The following CPNE4 variants were observed in gnomAD, a reference collection of about 807,000 sequenced individuals.
CPNE4 encodes copine-4.
A neutral mutation model predicts 67.9 loss-of-function variants in CPNE4; 25 were observed. That is an observed-to-expected ratio of 0.37 (90% CI 0.27 to 0.51). The LOEUF is 0.51. Among genes scored for constraint, CPNE4 ranks in the 20% least tolerant of loss-of-function variants. The probability of loss-of-function intolerance (pLI) is 0.93; values close to 1 mark genes in which losing one functional copy is unlikely to be tolerated. For synonymous variants in CPNE4, 242 were observed against 244.9 expected, an observed-to-expected ratio of 0.99 and a Z score of 0.11; for missense variants, 464 against 690.8, an observed-to-expected ratio of 0.67 and a Z score of 3.68.
At chr3:131,929,986 G>GCTATTA (rs1203475794) in intron 1 of CPNE4, among the ~76,000 whole-genome samples, 12 of 152,156 alleles carry the variant, frequency 7.9e-5, no homozygotes, top group African/African-American at 2.9e-4. Context: ...GTCTGCAAGT[G>GCTATTA]CTATTACAAA....
intron 5 of CPNE4, among the ~76,000 whole-genome samples, chr3:131,693,606 G>A (rs1372803934): frequency 6.6e-6 from 1 of 152,094 alleles, no homozygotes; most frequent in Admixed American, 6.6e-5. Context: ...TTACATGTGT[G>A]AGAGAATGAG....
At position 131,711,920 on chromosome 3, in the gene CPNE4, T is replaced by C. The variant is rs77845952; in HGVS notation, c.360+11526A>G. ...TCTCTTCTGTAATCAAAAATAATAT[T>C]TCAAAAGATCAGAATCAAATTAGCC... On this transcript the variant is annotated intron_variant, in intron 3 of 15. Coordinates refer to ENST00000429747, the MANE Select transcript of CPNE4 (RefSeq NM_130808.3). 3.1e-4 allele frequency among the ~76,000 whole-genome samples: 47 copies of C among 152,256 alleles called. No homozygotes were observed. The East Asian group carries it at 8.5e-3, about 27-fold the overall frequency.
intron 2 of CPNE4, among the ~76,000 whole-genome samples, chr3:131,827,819 A>G (rs968494930): frequency 2.0e-5 from 3 of 152,088 alleles, no homozygotes; most frequent in African/African-American, 7.3e-5. Flanking sequence ...GGGGCAAGAC[A>G]TAAATATAGA....
intron 2 of CPNE4, among the ~76,000 whole-genome samples, chr3:131,853,152 A>G (rs952392721): frequency 2.0e-5 from 3 of 151,856 alleles, no homozygotes; most frequent in African/African-American, 7.2e-5. Flanking sequence ...TGGAGAGCTC[A>G]GATTATGTGA....
intron 1 of CPNE4, among the ~76,000 whole-genome samples, chr3:131,957,269 A>G (rs2072006065): frequency 6.6e-6 from 1 of 152,250 alleles, no homozygotes; most frequent in South Asian, 2.1e-4. Context: ...CTCCATGCCC[A>G]TCAGCCTGAT....
intron 2 of CPNE4, among the ~76,000 whole-genome samples, chr3:131,764,278 A>G (rs1391872821): frequency 1.4e-4 from 4 of 29,586 alleles, no homozygotes; most frequent in Non-Finnish European, 2.5e-4. Flanking sequence ...GTTTTATAGG[A>G]AAAAAAAAAG....
chr3:131,715,756 T>C (rs1038979724), intron 3 of CPNE4, among the ~76,000 whole-genome samples: 1 of 152,226 alleles, frequency 6.6e-6, no homozygotes, highest in Non-Finnish European at 1.5e-5. Flanking sequence ...GATGAATGAA[T>C]GAGTTAATAA....
intron 1 of CPNE4, among the ~76,000 whole-genome samples, chr3:132,014,927 CTTAAAA>C (rs1236396286): frequency 6.6e-6 from 1 of 152,078 alleles, no homozygotes; most frequent in African/African-American, 2.4e-5. Context: ...TCTCTGTATT[CTTAAAA>C]TTAATTTTAT....
chr3:131,952,405 G>A (rs567753959), intron 1 of CPNE4, among the ~76,000 whole-genome samples: 3,143 of 148,634 alleles, frequency 0.021, 114 homozygotes, highest in African/African-American at 0.072. Context: ...CTCTCCGCCC[G>A]GCAGCCACCC....
At chr3:131,756,761 CA>C (rs954602627) in intron 2 of CPNE4, among the ~76,000 whole-genome samples, 7 of 152,160 alleles carry the variant, frequency 4.6e-5, no homozygotes. Context: ...GCTTTGGCTG[CA>C]CCTCGCCCAA....
At chr3:131,669,184 C>A (rs527694729) in intron 7 of CPNE4, among the ~76,000 whole-genome samples, 2 of 152,154 alleles carry the variant, frequency 1.3e-5, no homozygotes, top group African/African-American at 4.8e-5. Context: ...AGAAGCAGAA[C>A]CACCCTCCTC....
chr3:131,728,769 T>G (rs1267740964), intron 2 of CPNE4, among the ~76,000 whole-genome samples: 2 of 150,646 alleles, frequency 1.3e-5, no homozygotes, highest in African/African-American at 4.9e-5. Flanking sequence ...AATTAGCCGG[T>G]CGTGGTGGCA....
At chr3:131,567,760 G>A (rs370797708) in intron 10 of CPNE4, among the ~76,000 whole-genome samples, 4 of 152,028 alleles carry the variant, frequency 2.6e-5, no homozygotes, top group East Asian at 3.9e-4. Context: ...TTGGATGTCA[G>A]TTAGGGAAAG....
At chr3:132,038,199 T>C (rs1157141005), upstream of CPNE4, among the ~76,000 whole-genome samples, 1 of 152,170 alleles carries the variant, frequency 6.6e-6, no homozygotes, top group East Asian at 1.9e-4. Flanking sequence ...TTTCTGTATA[T>C]GCCTGAGGTG....
intron 2 of CPNE4, among the ~76,000 whole-genome samples, chr3:131,899,888 A>G (rs745723220): frequency 1.1e-4 from 17 of 152,082 alleles, no homozygotes; most frequent in Non-Finnish European, 2.4e-4. Flanking sequence ...TATCCCAAGC[A>G]TGAGAGAAAC....
chr3:131,735,311 G>A (rs1443483398), intron 2 of CPNE4, among the ~76,000 whole-genome samples: 2 of 152,204 alleles, frequency 1.3e-5, no homozygotes, highest in Admixed American at 6.5e-5. Context: ...ACATAGCAGA[G>A]CATTATCATC....
intron 2 of CPNE4, among the ~76,000 whole-genome samples, chr3:131,888,238 T>C (rs1012861448): frequency 1.1e-4 from 16 of 152,200 alleles, no homozygotes; most frequent in Admixed American, 6.5e-4. Flanking sequence ...AAATCTTCAA[T>C]TGAGGTAGGC....
At chr3:131,939,669 C>T (rs1322830416) in intron 1 of CPNE4, among the ~76,000 whole-genome samples, 8 of 152,140 alleles carry the variant, frequency 5.3e-5, no homozygotes, top group African/African-American at 1.7e-4. Context: ...TTAAGTTGTA[C>T]ATAAACTGGC....
intron 3 of CPNE4, among the ~76,000 whole-genome samples, chr3:131,717,918 C>A (rs1560173475): frequency 1.5e-5 from 2 of 134,274 alleles, no homozygotes; most frequent in South Asian, 2.4e-4. Flanking sequence ...TTCTTTCTTT[C>A]TTTCTTTCTT....
Sources: gnomAD v4.1 joint callset for allele counts (sites outside exome capture counted in the v4.1 genomes callset) on GRCh38, gnomAD v4.1.1 for gene constraint, MANE v1.5 for transcripts, NCBI Gene and HGNC (gene_info 2026-07-23, HGNC 2026-07-21) for gene names.